KIAA1671: variants seen among roughly 807,000 people sequenced by gnomAD.
The protein encoded by KIAA1671 is KIAA1671.
KIAA1671 carries 52 observed loss-of-function variants against 131.2 expected under a neutral mutation model. That is an observed-to-expected ratio of 0.40 (90% CI 0.32 to 0.50). The LOEUF (loss-of-function observed/expected upper bound fraction) is 0.50. KIAA1671 is among the 20% of genes least tolerant of loss of function. The pLI, the probability that KIAA1671 is intolerant of heterozygous loss-of-function variation, is 0.73. For synonymous variants in KIAA1671, 1,003 were observed against 961.6 expected (o/e 1.04, Z -0.80); for missense variants, 2,360 against 2,364.2 (o/e 1.00, Z 0.04).
intron 2 of KIAA1671, among the ~76,000 whole-genome samples, chr22:25,026,877 T>C (rs1925973998): frequency 6.6e-6 from 1 of 152,160 alleles, no homozygotes; most frequent in Non-Finnish European, 1.5e-5. Context: ...TTCTTGACTT[T>C]TGGAGTTGCT....
intron 6 of KIAA1671, among the ~76,000 whole-genome samples, chr22:25,138,090 A>G (rs574936664): frequency 3.3e-5 from 5 of 152,338 alleles, no homozygotes; most frequent in African/African-American, 1.2e-4. Context: ...TGCAGTGACA[A>G]ATGGCCCTCA....
chr22:25,055,934 A>T (rs1396523020), intron 6 of KIAA1671: 1 of 149,440 alleles, frequency 6.7e-6, no homozygotes, highest in Non-Finnish European at 1.5e-5. Context: ...ATCTCGGCTC[A>T]CTGCAACACC....
In KIAA1671 at chr22:25,165,974, G is replaced by A. The variant is rs895843537; in HGVS notation, c.4531-4846G>A. The stretch of plus-strand genomic sequence containing the variant: ...CGCACCCATGCAGGTCCCGCAGGCC[G>A]TAACCCTTTCCCTAACCCCAGCCCT... On this transcript the variant is annotated intron_variant, in intron 6 of 12. Coordinates refer to ENST00000358431, the MANE Select transcript of KIAA1671 (RefSeq NM_001145206.2). Among the ~76,000 whole-genome samples, 7 of 152,188 alleles carry A rather than the reference G, an allele frequency of 4.6e-5. No homozygotes were observed. The East Asian group carries it at 9.6e-4, about 21-fold the overall frequency.
rs545054284 is a variant in KIAA1671, at chr22:25,186,832, T to G, written c.5342+1713T>G. ...CATTAGAGAAAGACAGGGCCATAGTTGAGACAGTGCCTCCCTGCTCTGGTA... is the reference window on the plus strand; with the variant it reads ...CATTAGAGAAAGACAGGGCCATAGTGGAGACAGTGCCTCCCTGCTCTGGTA... On this transcript the variant is annotated intron_variant, in intron 11 of 12. Transcript: ENST00000358431. Among the ~76,000 whole-genome samples, 141 of 152,314 alleles carry G rather than the reference T, an allele frequency of 9.3e-4. 1 individual carries two copies. The highest frequency in any genetic ancestry group is 3.7e-4 in the Non-Finnish European group (25 of 68,016).
chr22:25,185,546 C>T (rs1568998241), intron 11 of KIAA1671: 4 of 167,820 alleles, frequency 2.4e-5, no homozygotes, highest in South Asian at 1.6e-4. Context: ...TGAATGAGAT[C>T]GGTTTCACTC....
intron 1 of KIAA1671, among the ~76,000 whole-genome samples, chr22:24,992,434 C>T (rs1923891326): frequency 6.6e-6 from 1 of 152,166 alleles, no homozygotes; most frequent in South Asian, 2.1e-4. Flanking sequence ...CCTGACTGAA[C>T]ACTGGCCCTG....
At chr22:25,051,927 C>T (rs1927553112) in intron 6 of KIAA1671, 1 of 152,308 alleles carries the variant, frequency 6.6e-6, no homozygotes, top group Non-Finnish European at 1.5e-5. Context: ...CCAATTCCTA[C>T]TTCAGCCTCA....
In KIAA1671 at chr22:25,039,837, C is replaced by T; in HGVS notation, c.2707C>T (p.Pro903Ser). The T allele has an allele frequency of 1.9e-6, 3 of 1,547,680 alleles. No homozygotes were observed. Among genetic ancestry groups the T allele is most frequent in the Non-Finnish European group, 8.7e-7 (1 of 1,144,694 alleles). Residue 903 changes from proline to serine, a missense_variant, in exon 5 of 13, where the codon CCA (proline) becomes TCA (serine). Transcript: ENST00000358431. ...TTCTGACTCCCAAGCACGAACACAT[C>T]CAGATGCATTTGCTGTGCAGAAAGG... is the stretch of plus-strand genomic sequence containing the variant. ...GPSDSQARTH[P>S]DAFAVQKGPF...
At chr22:25,178,679 C>A (rs945681516) in intron 9 of KIAA1671, among the ~76,000 whole-genome samples, 5 of 152,174 alleles carry the variant, frequency 3.3e-5, no homozygotes, top group African/African-American at 9.6e-5. Flanking sequence ...CAGGGCAGGT[C>A]CCCAACTGCA....
intron 6 of KIAA1671, chr22:25,063,202 A>C (rs1262518049): frequency 2.0e-5 from 3 of 152,142 alleles, no homozygotes; most frequent in Non-Finnish European, 4.4e-5. Flanking sequence ...AAGTGAGAGG[A>C]GGACCCACCG....
intron 1 of KIAA1671, among the ~76,000 whole-genome samples, chr22:25,007,747 A>G (rs1232810157): frequency 6.6e-6 from 1 of 152,192 alleles, no homozygotes; most frequent in East Asian, 1.9e-4. Flanking sequence ...AAATTTCTGC[A>G]TAATCTTCCC....
Position 25,141,200 on chromosome 22 carries a change from C to T in KIAA1671, c.4531-29620C>T, listed in dbSNP as rs557891036. ...ATTCACCCACATTTTAACAGTGATT[C>T]TCTTCAGTGGTGAGATTGCATGTTT... is the stretch of plus-strand genomic sequence containing the variant. On this transcript the variant is annotated intron_variant, in intron 6 of 12. Transcript: ENST00000358431. Among the ~76,000 whole-genome samples the T allele has an allele frequency of 7.9e-5, 12 of 152,216 alleles. 1 individual carries two copies. The South Asian group carries it at 2.5e-3, about 32-fold the overall frequency.
At chr22:25,066,201 T>C (rs1268763105) in intron 6 of KIAA1671, among the ~76,000 whole-genome samples, 1 of 152,180 alleles carries the variant, frequency 6.6e-6, no homozygotes, top group Non-Finnish European at 1.5e-5. Flanking sequence ...CAGGCTGGAG[T>C]GCAGTATTGC....
chr22:25,160,346 C>T (rs1379923567), intron 6 of KIAA1671, among the ~76,000 whole-genome samples: 3 of 152,178 alleles, frequency 2.0e-5, no homozygotes, highest in South Asian at 4.1e-4. Flanking sequence ...CAGGTGGGCC[C>T]ATCCAGCCCC....
chr22:25,099,543 TTG>T lies in KIAA1671; in HGVS notation c.4530+50181_4530+50182del, dbSNP rs1318316481. ...TTTGTCTTTCAAAATGTGGGTTTTT[TTG>T]TTTTTTTTTTTTTTTTTTTTTTTTT... is the stretch of plus-strand genomic sequence containing the variant. On this transcript the variant is annotated intron_variant, in intron 6 of 12. Coordinates refer to ENST00000358431, the MANE Select transcript of KIAA1671 (RefSeq NM_001145206.2). Among the ~76,000 whole-genome samples, 37 of 9,938 alleles carry T rather than the reference TTG, an allele frequency of 3.7e-3. 4 individuals carry two copies. The highest frequency in any genetic ancestry group is 0.011 in the African/African-American group (9 of 820). 6.5% of individuals were successfully genotyped at this position (9,938 alleles called of 152,430 possible).
At chr22:25,159,216 G>C (rs1242547230) in intron 6 of KIAA1671, among the ~76,000 whole-genome samples, 1 of 152,156 alleles carries the variant, frequency 6.6e-6, no homozygotes, top group Non-Finnish European at 1.5e-5. Flanking sequence ...GCCTCCTGCA[G>C]ACCAGCTGCA....
intron 4 of KIAA1671, among the ~76,000 whole-genome samples, chr22:25,035,336 C>T (rs112841655): frequency 0.017 from 2,621 of 152,242 alleles, 30 homozygotes; most frequent in Middle Eastern, 0.044. Context: ...TGTGAGCCAC[C>T]GCGTCCGGCC....
chr22:25,004,573 C>T (rs560582355), intron 1 of KIAA1671, among the ~76,000 whole-genome samples: 1 of 152,338 alleles, frequency 6.6e-6, no homozygotes, highest in Non-Finnish European at 1.5e-5. Flanking sequence ...TTTCCCTGCC[C>T]TCCAGGAAAC....
intron 9 of KIAA1671, among the ~76,000 whole-genome samples, chr22:25,177,942 A>G (rs956918267): frequency 6.6e-6 from 1 of 152,068 alleles, no homozygotes; most frequent in Non-Finnish European, 1.5e-5. Flanking sequence ...TGAGCCCTGC[A>G]GGGGTCAGGA....
Sources: allele counts gnomAD v4.1 joint callset (sites outside exome capture counted in the v4.1 genomes callset), GRCh38; gene constraint gnomAD v4.1.1; transcripts MANE v1.5; gene names NCBI Gene and HGNC (gene_info 2026-07-23, HGNC 2026-07-21).